Variants in DNAH14 observed in about 807,000 individuals in gnomAD.
DNAH14 encodes the protein axonemal beta dynein heavy chain 14.
A neutral mutation model predicts 520.9 loss-of-function variants in DNAH14; 478 were observed. That is an observed-to-expected ratio of 0.92 (90% CI 0.85 to 0.99). DNAH14 has a LOEUF of 0.99. Among genes scored for constraint, DNAH14 ranks in the 50% least tolerant of loss-of-function variants. The pLI is 0.00. For missense variants in DNAH14, 4,831 were observed against 5,234.5 expected, an observed-to-expected ratio of 0.92 and a Z score of 2.38; for synonymous variants, 1,581 against 1,757.2, an observed-to-expected ratio of 0.90 and a Z score of 2.51.
intron 34 of DNAH14, among the ~76,000 whole-genome samples, chr1:225,157,427 T>A (rs1389789252): frequency 6.6e-6 from 1 of 152,222 alleles, no homozygotes; most frequent in Admixed American, 6.5e-5. Flanking sequence ...ATGTTGACAT[T>A]AATCTAAAGC....
intron 8 of DNAH14, among the ~76,000 whole-genome samples, chr1:224,999,786 C>T (rs1195370991): frequency 6.6e-6 from 1 of 151,938 alleles, no homozygotes; most frequent in African/African-American, 2.4e-5. Flanking sequence ...TTACAGTCTA[C>T]TGATGTTATA....
chr1:224,997,372 G>A (rs2063463607), intron 8 of DNAH14, among the ~76,000 whole-genome samples: 2 of 152,134 alleles, frequency 1.3e-5, no homozygotes, highest in Non-Finnish European at 1.5e-5. Flanking sequence ...CCATCTTGGG[G>A]AAAGGAGGAG....
chr1:224,964,584 T>C lies in DNAH14; in HGVS notation c.473T>C (p.Ile158Thr). ...AGTTTGAAATACGGAAGCTCCAAAATTGCAATTCAGAAGATTACTTTAAAG... is the reference window on the plus strand; with the variant it reads ...AGTTTGAAATACGGAAGCTCCAAAACTGCAATTCAGAAGATTACTTTAAAG... ...QHSLKYGSSK[I>T]AIQKITLKKP... Residue 158 changes from isoleucine (I) to threonine (T), a missense_variant, in exon 5 of 86, where the codon ATT becomes ACT. Physicochemically the swap from Ile to Thr is moderately conservative, Grantham distance 89 (BLOSUM62 -1). Coordinates refer to ENST00000682510, the MANE Select transcript of DNAH14 (RefSeq NM_001367479.1). 1 of 1,602,100 alleles carries C rather than the reference T, an allele frequency of 6.2e-7. No individual in the cohort carries two copies. Among genetic ancestry groups the C allele is most frequent in the Non-Finnish European group, 8.5e-7 (1 of 1,173,414 alleles).
At chr1:224,974,201 G>A (rs996802135) in intron 8 of DNAH14, 48 bp downstream of exon 8, 17 of 1,229,428 alleles carry the variant, frequency 1.4e-5, no homozygotes, top group South Asian at 6.8e-5. Flanking sequence ...GAAGCTGTAT[G>A]TTTTACATGT....
chr1:225,150,332 GA>G (rs2080374304), intron 31 of DNAH14, among the ~76,000 whole-genome samples: 1 of 152,148 alleles, frequency 6.6e-6, no homozygotes, highest in Non-Finnish European at 1.5e-5. Context: ...TGATGTTCAT[GA>G]AGGATATTGG....
chr1:225,051,822 G>GT lies in DNAH14; in HGVS notation c.2424+28dup, dbSNP rs1396034776. 2.1e-6 allele frequency: 3 copies of GT among 1,396,120 alleles called. No individual in the cohort carries two copies. In the Admixed American group the frequency reaches 8.8e-5, roughly 41 times the overall value. The allele number at this position is 1,396,120 out of a possible 1,614,324, so 86.5% of individuals were successfully genotyped here. On this transcript the variant is annotated intron_variant, in intron 17 of 85. Transcript: ENST00000682510. ...TAAGTATTTTGAAAATTCTTATTGT[G>GT]TAAGAATGTTTCAGATTAGTAAATT...
At chr1:225,097,088 TTGTATG>T in intron 21 of DNAH14, 24 bp from the exon 22 acceptor site, 1 of 1,497,450 alleles carries the variant, frequency 6.7e-7, no homozygotes, top group South Asian at 1.3e-5. Flanking sequence ...ATATTTAGAT[TTGTATG>T]TGTATATGTT....
In DNAH14 at chr1:225,335,635, G is replaced by A. The variant is rs1281306353; in HGVS notation, c.10081-1631G>A. ...TGTGTATATACGCATATATACATAT[G>A]TGCATATATGTATATACGCATATAT... On this transcript the variant is annotated intron_variant, in intron 66 of 85. Transcript: ENST00000682510. Among the ~76,000 whole-genome samples, 3 of 128,860 alleles carry A rather than the reference G, an allele frequency of 2.3e-5. 1 individual carries two copies. The highest frequency in any genetic ancestry group is 9.6e-5 in the African/African-American group (3 of 31,222). The allele number at this position is 128,860 out of a possible 152,430, so 84.5% of individuals were successfully genotyped here. A position where few individuals can be genotyped will look rare whatever the true frequency, so the allele number is the denominator to read the frequency against.
intron 8 of DNAH14, among the ~76,000 whole-genome samples, chr1:224,996,651 C>T (rs12567069): frequency 0.055 from 8,360 of 152,120 alleles, 469 homozygotes; most frequent in East Asian, 0.23. Context: ...CGACTGAGCT[C>T]TGTAATCAAG....
intron 42 of DNAH14, among the ~76,000 whole-genome samples, chr1:225,236,550 GA>G (rs1185885609): frequency 6.6e-6 from 1 of 152,158 alleles, no homozygotes; most frequent in East Asian, 1.9e-4. Context: ...ACTTAATCCA[GA>G]GCTGAGTTCA....
chr1:225,113,576 T>C (rs995530037), intron 23 of DNAH14, among the ~76,000 whole-genome samples: 2 of 152,140 alleles, frequency 1.3e-5, no homozygotes, highest in Admixed American at 1.3e-4. Flanking sequence ...GAGTAGTGAG[T>C]TCCCCCTGGG....
Position 225,100,088 on chromosome 1 carries a change from G to A in DNAH14, c.3696-625G>A, listed in dbSNP as rs530505689. Among the ~76,000 whole-genome samples the A allele has an allele frequency of 5.9e-5, 9 of 152,010 alleles. No individual in the cohort carries two copies. In the South Asian group the frequency reaches 1.2e-3, roughly 21 times the overall value. On this transcript the variant is annotated intron_variant, in intron 22 of 85. Coordinates refer to ENST00000682510, the MANE Select transcript of DNAH14 (RefSeq NM_001367479.1). The stretch of plus-strand genomic sequence containing the variant: ...CAAAACTAAAATTAATATATTAATG[G>A]CTTATCACATCACATGTGGGTTTTG...
chr1:224,940,673 C>G (rs186762807), intron 1 of DNAH14, among the ~76,000 whole-genome samples: 14,382 of 147,372 alleles, frequency 0.098, 2,229 homozygotes, highest in African/African-American at 0.33. Context: ...CCTCCCCCTT[C>G]CCCCCACCCC....
At chr1:225,194,284 A>G (rs750168538) in intron 38 of DNAH14, among the ~76,000 whole-genome samples, 2 of 152,164 alleles carry the variant, frequency 1.3e-5, no homozygotes, top group Non-Finnish European at 2.9e-5. Context: ...AGGCTACAGT[A>G]ACCAAAACAA....
intron 69 of DNAH14, among the ~76,000 whole-genome samples, chr1:225,344,834 C>T (rs2095262455): frequency 6.6e-6 from 1 of 152,090 alleles, no homozygotes; most frequent in South Asian, 2.1e-4. Flanking sequence ...CCTGCCTCAG[C>T]CTCCCAAGTA....
intron 15 of DNAH14, among the ~76,000 whole-genome samples, chr1:225,047,754 T>A (rs1044258390): frequency 2.0e-5 from 3 of 152,350 alleles, no homozygotes; most frequent in South Asian, 2.1e-4. Flanking sequence ...TACAGTTTTT[T>A]AAAAATGTAA....
chr1:225,319,419 G>C (rs1024246637), intron 61 of DNAH14, among the ~76,000 whole-genome samples: 3 of 152,132 alleles, frequency 2.0e-5, no homozygotes, highest in African/African-American at 7.2e-5. Flanking sequence ...TGAGTTTTCT[G>C]CTATTTGTAG....
chr1:225,235,258 T>C (rs2091491784), intron 42 of DNAH14, among the ~76,000 whole-genome samples: 1 of 152,218 alleles, frequency 6.6e-6, no homozygotes, highest in Admixed American at 6.5e-5. Context: ...GAAAGGATGT[T>C]GAATTATATC....
chr1:225,138,930 G>A (rs772115891), intron 27 of DNAH14, among the ~76,000 whole-genome samples: 24 of 152,042 alleles, frequency 1.6e-4, no homozygotes, highest in Non-Finnish European at 2.6e-4. Context: ...TGAGTGTCGT[G>A]GACTGCAGCT....
Sources: allele counts gnomAD v4.1 joint callset (sites outside exome capture counted in the v4.1 genomes callset), GRCh38; gene constraint gnomAD v4.1.1; transcripts MANE v1.5; gene names NCBI Gene and HGNC (gene_info 2026-07-23, HGNC 2026-07-21).